The following ARHGAP18 variants were observed in gnomAD, a reference collection of about 807,000 sequenced individuals.
ARHGAP18 encodes Rho GTPase activating protein 18.
ARHGAP18 carries 67 observed loss-of-function variants against 86.2 expected under a neutral mutation model. The ratio of observed to expected loss-of-function variants is 0.78; its 90% CI spans 0.64 to 0.95. ARHGAP18 has a LOEUF of 0.95. Ranked by LOEUF, ARHGAP18 falls within the 40% of genes least tolerant of loss-of-function variation. The probability of loss-of-function intolerance (pLI) is 0.00; values close to 1 mark genes in which losing one functional copy is unlikely to be tolerated. For synonymous variants in ARHGAP18, 283 were observed against 280.4 expected (o/e 1.01, Z -0.09); for missense variants, 691 against 780.4 (o/e 0.89, Z 1.37).
At position 129,647,378 on chromosome 6, in the gene ARHGAP18, C is replaced by G. The variant is rs574456429; in HGVS notation, c.114-5360G>C. The stretch of plus-strand genomic sequence containing the variant: ...TGGTCCAATTTCTACCTTGTGTTCC[C>G]TACCCTGTTTAAAGTCCTATCGTGA... On this transcript the variant is annotated intron_variant, in intron 1 of 14. Coordinates refer to ENST00000368149, the MANE Select transcript of ARHGAP18 (RefSeq NM_033515.3). Among the ~76,000 whole-genome samples the G allele has an allele frequency of 4.6e-5, 7 of 152,222 alleles. No individual in the cohort carries two copies. In the East Asian group the frequency reaches 1.4e-3, roughly 29 times the overall value.
At position 129,579,141 on chromosome 6, in the gene ARHGAP18, G is replaced by A. The variant is rs577527741; in HGVS notation, c.1901-537C>T. Among the ~76,000 whole-genome samples, 19 of 152,196 alleles carry A rather than the reference G, an allele frequency of 1.2e-4. 1 individual carries two copies. The South Asian group carries it at 3.7e-3, about 30-fold the overall frequency. ...ACTTTGTATGATAGGCTTTTAAATA[G>A]TTCCTTAAAAGCTTAATCATCTTAT... On this transcript the variant is annotated intron_variant, in intron 14 of 14. Transcript: ENST00000368149.
Position 129,681,328 on chromosome 6 carries a change from G to A in ARHGAP18, c.113+28696C>T, listed in dbSNP as rs1045380909. ...CCTAACCTCGTGATCCGCCTGCCTC[G>A]GCCTCCCAAAGTGCTGGGATTACAG... On this transcript the variant is annotated intron_variant, in intron 1 of 14. Transcript: ENST00000368149. Among the ~76,000 whole-genome samples the A allele has an allele frequency of 6.6e-5, 10 of 152,166 alleles. No individual in the cohort carries two copies. The South Asian group carries it at 1.2e-3, about 19-fold the overall frequency.
chr6:129,660,218 TAGAA>T (rs1773923866), intron 1 of ARHGAP18, among the ~76,000 whole-genome samples: 2 of 152,210 alleles, frequency 1.3e-5, no homozygotes, highest in Non-Finnish European at 2.9e-5. Context: ...ATTCCTGTTT[TAGAA>T]AGATAATTCT....
At chr6:129,651,979 A>G (rs967347817) in intron 1 of ARHGAP18, among the ~76,000 whole-genome samples, 3 of 152,230 alleles carry the variant, frequency 2.0e-5, no homozygotes, top group African/African-American at 7.2e-5. Flanking sequence ...ACATGGTGAG[A>G]AGGTGCCATC....
At chr6:129,655,802 TAC>T (rs1269978469) in intron 1 of ARHGAP18, among the ~76,000 whole-genome samples, 2 of 152,240 alleles carry the variant, frequency 1.3e-5, no homozygotes, top group African/African-American at 2.4e-5. Context: ...GTTTTATGAA[TAC>T]AGTTTTACTG....
intron 1 of ARHGAP18, among the ~76,000 whole-genome samples, chr6:129,680,234 A>G (rs1484510097): frequency 6.6e-6 from 1 of 152,190 alleles, no homozygotes; most frequent in Admixed American, 6.5e-5. Flanking sequence ...CCTACACAGA[A>G]AGCCTAAGAA....
At chr6:129,640,064 A>AAAAAAAAAAAG (rs1562705829) in intron 2 of ARHGAP18, among the ~76,000 whole-genome samples, 1 of 138,208 alleles carries the variant, frequency 7.2e-6, no homozygotes, top group Non-Finnish European at 1.6e-5. Context: ...AAAAAAAAAA[A>AAAAAAAAAAAG]CAAACAAAAG....
chr6:129,678,610 C>T (rs1774274644), intron 1 of ARHGAP18, among the ~76,000 whole-genome samples: 1 of 152,108 alleles, frequency 6.6e-6, no homozygotes, highest in South Asian at 2.1e-4. Context: ...CTCAAACTTG[C>T]CTGCACATTA....
rs1261427366 is a variant in ARHGAP18, at chr6:129,625,582, ATATTATATATTTATATATTATATAT to A, written c.786+3746_786+3770del. Among the ~76,000 whole-genome samples the A allele has an allele frequency of 3.3e-4, 23 of 69,622 alleles. 1 individual carries two copies. Among genetic ancestry groups the A allele is most frequent in the African/African-American group, 1.1e-3 (20 of 18,624 alleles). The allele number at this position is 69,622 out of a possible 152,430, so 45.7% of individuals were successfully genotyped here. A position where few individuals can be genotyped will look rare whatever the true frequency, so the allele number is the denominator to read the frequency against. On this transcript the variant is annotated intron_variant, in intron 5 of 14. Transcript: ENST00000368149. ...TATATTATATATCATTATACATTAT[ATATTATATATTTATATATTATATAT>A]TATTATATATTTATATATTATATAT...
intron 12 of ARHGAP18, among the ~76,000 whole-genome samples, chr6:129,584,537 C>T (rs985648904): frequency 3.9e-5 from 6 of 152,222 alleles, no homozygotes; most frequent in African/African-American, 1.4e-4. Flanking sequence ...ATTTTTTTGT[C>T]TCTGAATGTT....
At chr6:129,673,025 A>G (rs1774166612) in intron 1 of ARHGAP18, among the ~76,000 whole-genome samples, 1 of 152,208 alleles carries the variant, frequency 6.6e-6, no homozygotes, top group Non-Finnish European at 1.5e-5. Context: ...AAGCTGAAAC[A>G]TGGGTCTCTC....
intron 1 of ARHGAP18, among the ~76,000 whole-genome samples, chr6:129,700,114 G>A (rs773761332): frequency 4.8e-4 from 73 of 152,186 alleles, no homozygotes; most frequent in Non-Finnish European, 7.8e-4. Flanking sequence ...ATCACTTCTT[G>A]GTTATGAGAA....
rs1789101670 is a variant in ARHGAP18 at position 129,616,454 on chromosome 6, T to C, written c.953-151A>G. 3 of 617,476 alleles carry C rather than the reference T, an allele frequency of 4.9e-6. No homozygotes were observed. In the South Asian group the frequency reaches 7.5e-5, roughly 16 times the overall value. The allele number at this position is 617,476 out of a possible 1,614,324, so 38.2% of individuals were successfully genotyped here. ...AATGACAGCATCTCAACATTATATA[T>C]ATGGTGGCCAATAGTAAAATCCTGG... is the stretch of plus-strand genomic sequence containing the variant. On this transcript the variant is annotated intron_variant, in intron 6 of 14. Transcript: ENST00000368149.
At position 129,629,447 on chromosome 6, in the gene ARHGAP18, T is replaced by A. The variant is rs1773140070; in HGVS notation, c.692A>T (p.Asn231Ile). Residue 231 changes from asparagine (N) to isoleucine (I), a missense_variant, in exon 5 of 15, where the codon AAC (asparagine) becomes ATC (isoleucine). Coordinates refer to ENST00000368149, the MANE Select transcript of ARHGAP18 (RefSeq NM_033515.3). ...TTGCTCGGCAAATGATACCTCCAGG[T>A]TGATGTCTGTTTCAGGGGCAGGCGT... ...EETPAPETDI[N>I]LEVSFAEQAL... 6.2e-7 allele frequency: 1 copy of A among 1,613,956 alleles called. No individual in the cohort carries two copies. Among genetic ancestry groups the A allele is most frequent in the Non-Finnish European group, 8.5e-7 (1 of 1,179,948 alleles).
chr6:129,667,627 A>C (rs1774067334), intron 1 of ARHGAP18, among the ~76,000 whole-genome samples: 1 of 151,818 alleles, frequency 6.6e-6, no homozygotes, highest in Admixed American at 6.6e-5. Context: ...ACATATATTG[A>C]GATCCAAAGT....
intron 1 of ARHGAP18, among the ~76,000 whole-genome samples, chr6:129,699,086 C>G (rs1774670295): frequency 6.6e-6 from 1 of 152,146 alleles, no homozygotes; most frequent in South Asian, 2.1e-4. Flanking sequence ...ATCCACCAAC[C>G]TCGGCCTCCC....
At chr6:129,610,790 G>A (rs1488049005) in intron 8 of ARHGAP18, among the ~76,000 whole-genome samples, 1 of 152,110 alleles carries the variant, frequency 6.6e-6, no homozygotes, top group African/African-American at 2.4e-5. Flanking sequence ...ACCATGCCTG[G>A]ATAATTTTTT....
At chr6:129,647,532 A>G (rs1018846100) in intron 1 of ARHGAP18, among the ~76,000 whole-genome samples, 7 of 152,152 alleles carry the variant, frequency 4.6e-5, no homozygotes, top group African/African-American at 1.7e-4. Flanking sequence ...TCCTTTCTAA[A>G]AACGATATAC....
At chr6:129,586,791 C>A (rs1345257743) in intron 12 of ARHGAP18, among the ~76,000 whole-genome samples, 5 of 152,124 alleles carry the variant, frequency 3.3e-5, no homozygotes, top group African/African-American at 7.2e-5. Flanking sequence ...TCTTGTAGAA[C>A]CTTCTACTGT....
Sources: gnomAD v4.1 joint callset for allele counts (sites outside exome capture counted in the v4.1 genomes callset) on GRCh38, gnomAD v4.1.1 for gene constraint, MANE v1.5 for transcripts, NCBI Gene and HGNC (gene_info 2026-07-23, HGNC 2026-07-21) for gene names.